TG: variants seen among roughly 807,000 people sequenced by gnomAD.
The protein encoded by TG is thyroid hormones.
Under a neutral mutation model 324.7 loss-of-function variants are expected in TG, and 270 were observed. That is an observed-to-expected ratio of 0.83 (90% confidence interval 0.75 to 0.92). TG has a LOEUF of 0.92. TG is among the 40% of genes least tolerant of loss of function. TG has a pLI of 0.00. For synonymous variants in TG, 1,401 were observed against 1,327.0 expected (o/e 1.06, Z -1.21); for missense variants, 3,591 against 3,456.4 (o/e 1.04, Z -0.98).
chr8:133,106,388 T>C (rs1257839220), intron 43 of TG: 2 of 985,238 alleles, frequency 2.0e-6, no homozygotes, highest in Middle Eastern at 5.2e-4. Context: ...TGGCCTGCTC[T>C]GTGTTCCATG....
chr8:133,123,995 C>T (rs1444110790), intron 45 of TG, among the ~76,000 whole-genome samples: 1 of 152,258 alleles, frequency 6.6e-6, no homozygotes, highest in Non-Finnish European at 1.5e-5. Context: ...ATTACTAATG[C>T]TGCTTCGTGT....
intron 26 of TG, among the ~76,000 whole-genome samples, chr8:132,946,510 G>C (rs146228746): frequency 6.6e-5 from 10 of 152,236 alleles, no homozygotes; most frequent in African/African-American, 2.4e-4. Flanking sequence ...GATTTGGCTG[G>C]ATCTGCTGAC....
At chr8:132,964,464 C>G (rs977409053) in intron 29 of TG, 1 of 156,590 alleles carries the variant, frequency 6.4e-6, no homozygotes, top group Admixed American at 6.5e-5. Context: ...CTCGTTTACT[C>G]AGACGGTGCT....
In TG at chr8:132,908,370, G is replaced by T. The variant is rs1189724968; in HGVS notation, c.4002+30G>T. The stretch of plus-strand genomic sequence containing the variant: ...ATGCCTGGCCTTCCCCACAGTGAGG[G>T]CTTGGACTCAACTCAGGGTTACGGT... On this transcript the variant is annotated intron_variant, in intron 18 of 47. Coordinates refer to ENST00000220616, the MANE Select transcript of TG (RefSeq NM_003235.5). 4 of 1,515,638 alleles carry T rather than the reference G, an allele frequency of 2.6e-6. No homozygotes were observed. The East Asian group carries it at 7.1e-5, about 27-fold the overall frequency. The allele number at this position is 1,515,638 out of a possible 1,614,324, so 93.9% of individuals were successfully genotyped here. A position where few individuals can be genotyped will look rare whatever the true frequency, so the allele number is the denominator to read the frequency against.
chr8:132,995,604 A>C, intron 35 of TG: 1 of 821,572 alleles, frequency 1.2e-6, no homozygotes, highest in African/African-American at 1.9e-5. Context: ...ACCCCATGAA[A>C]GAGGAGTTCA....
intron 37 of TG, among the ~76,000 whole-genome samples, chr8:133,015,956 C>G (rs1002985589): frequency 1.3e-5 from 2 of 152,098 alleles, no homozygotes; most frequent in Non-Finnish European, 1.5e-5. Flanking sequence ...CCTGTGTCCC[C>G]CCACCCCTGC....
At chr8:133,116,189 A>G (rs1850669067) in intron 44 of TG, among the ~76,000 whole-genome samples, 1 of 152,188 alleles carries the variant, frequency 6.6e-6, no homozygotes, top group African/African-American at 2.4e-5. Flanking sequence ...GACGTCTTCT[A>G]AAATGCACAA....
chr8:133,114,181 C>A (rs1035579157), intron 44 of TG, among the ~76,000 whole-genome samples: 1 of 152,192 alleles, frequency 6.6e-6, no homozygotes. Flanking sequence ...TGATACCACT[C>A]CCCACATAGG....
chr8:132,999,085 A>G (rs1213269770), intron 35 of TG, among the ~76,000 whole-genome samples: 1 of 152,198 alleles, frequency 6.6e-6, no homozygotes, highest in African/African-American at 2.4e-5. Flanking sequence ...CATTACAGTC[A>G]TGGTAAGAAC....
chr8:132,938,125 G>A (rs1823877988), intron 25 of TG, among the ~76,000 whole-genome samples: 1 of 152,136 alleles, frequency 6.6e-6, no homozygotes, highest in African/African-American at 2.4e-5. Flanking sequence ...AAATGGGACT[G>A]TGTCACAACC....
chr8:132,898,139 C>A, intron 12 of TG, 30 bp from the exon 13 acceptor site: 1 of 1,575,812 alleles, frequency 6.3e-7, no homozygotes, highest in South Asian at 1.2e-5. Flanking sequence ...AGTGCAATTC[C>A]TGAATGTTCT....
chr8:132,941,496 C>T lies in TG; in HGVS notation c.5187C>T (p.Asp1729=). ...DAHLFCLLAC[D]RDLCCDGFVL... Reference sequence around the variant, plus strand: ...ACCTCTTCTGTCTTCTTGCATGCGACCGTGATCTGTGTTGCGATGGCTTCG... The same window carrying T: ...ACCTCTTCTGTCTTCTTGCATGCGATCGTGATCTGTGTTGCGATGGCTTCG... The change falls in exon 26 of 48, where the codon GAC becomes GAT. Residue 1729 remains aspartate (D), a synonymous_variant. Coordinates refer to ENST00000220616, the MANE Select transcript of TG (RefSeq NM_003235.5). 6.2e-7 allele frequency: 1 copy of T among 1,614,202 alleles called. No homozygotes were observed. Among genetic ancestry groups the T allele is most frequent in the South Asian group, 1.1e-5 (1 of 91,082 alleles).
At chr8:132,956,875 G>T (rs563506434) in intron 27 of TG, among the ~76,000 whole-genome samples, 85 of 152,216 alleles carry the variant, frequency 5.6e-4, no homozygotes, top group Non-Finnish European at 2.1e-4. Flanking sequence ...GGAAGGGTTT[G>T]GAGGAGAGGA....
Position 133,096,375 on chromosome 8 carries a change from T to C in TG, c.7572+2T>C. 1.7e-5 allele frequency: 28 copies of C among 1,614,106 alleles called. No homozygotes were observed. Among genetic ancestry groups the C allele is most frequent in the Non-Finnish European group, 2.4e-5 (28 of 1,179,970 alleles). On this transcript the variant is annotated splice_donor_variant, in intron 43 of 47. Transcript: ENST00000220616. LOFTEE classifies it high-confidence loss of function. ...ATCAACAGAGCAAAGGCTGTGAAGGTAAGCAGGGAGGGGGCCTCGGATGTC... is the reference window on the plus strand; with the variant it reads ...ATCAACAGAGCAAAGGCTGTGAAGGCAAGCAGGGAGGGGGCCTCGGATGTC...
chr8:132,971,725 C>A, intron 32 of TG, 69 bp from the exon 33 acceptor site: 2 of 1,091,780 alleles, frequency 1.8e-6, no homozygotes, highest in Non-Finnish European at 2.8e-6. Context: ...TGACTACCAT[C>A]AGCCCACCCA....
At chr8:132,997,050 T>C (rs1832950493) in intron 35 of TG, among the ~76,000 whole-genome samples, 1 of 152,260 alleles carries the variant, frequency 6.6e-6, no homozygotes, top group Admixed American at 6.5e-5. Flanking sequence ...GTGTGTTTGC[T>C]GCAGGGACAA....
chr8:133,089,144 C>T (rs75152511), intron 41 of TG, among the ~76,000 whole-genome samples: 2,617 of 152,250 alleles, frequency 0.017, 83 homozygotes, highest in African/African-American at 0.06. Flanking sequence ...TTAGACCTTA[C>T]AAGTCACCGA....
chr8:132,908,220 G>A lies in TG; in HGVS notation c.3882G>A (p.Gly1294=), dbSNP rs1315809104. Residue 1294 remains glycine, a synonymous_variant, in exon 18 of 48, where the codon GGG becomes GGA. Transcript: ENST00000220616. The stretch of plus-strand genomic sequence containing the variant: ...TGTGGCAGACCATCCAGACCCAAGG[G>A]CACTTTCAGCTCCAGCTCCCGCCGG... ...PQLWQTIQTQ[G]HFQLQLPPGK... is the part of the protein sequence containing the mutation. 6 of 1,613,858 alleles carry A rather than the reference G, an allele frequency of 3.7e-6. No homozygotes were observed. The highest frequency in any genetic ancestry group is 5.1e-6 in the Non-Finnish European group (6 of 1,179,992).
intron 41 of TG, among the ~76,000 whole-genome samples, chr8:133,057,800 T>C (rs1255990325): frequency 1.3e-5 from 2 of 148,798 alleles, no homozygotes; most frequent in East Asian, 1.9e-4. Flanking sequence ...AAAAAACAGA[T>C]GGGTAAAGCC....
Sources: allele counts gnomAD v4.1 joint callset (sites outside exome capture counted in the v4.1 genomes callset), GRCh38; gene constraint gnomAD v4.1.1; transcripts MANE v1.5; gene names NCBI Gene and HGNC (gene_info 2026-07-23, HGNC 2026-07-21).